ATE1: variants seen among roughly 807,000 people sequenced by gnomAD.
ATE1 encodes arginyl-tRNA--protein transferase 1.
A neutral mutation model predicts 70.5 loss-of-function variants in ATE1; 36 were observed. The observed-to-expected ratio is 0.51, with a 90% CI of 0.39 to 0.67. The LOEUF (loss-of-function observed/expected upper bound fraction) is 0.67. Among genes scored for constraint, ATE1 ranks in the 30% least tolerant of loss-of-function variants. The pLI is 0.00. For missense variants in ATE1, 593 were observed against 629.5 expected (o/e 0.94, Z 0.62); for synonymous variants, 232 against 219.3 (o/e 1.06, Z -0.51).
chr10:121,800,952 AT>A (rs1012314754), intron 10 of ATE1, among the ~76,000 whole-genome samples: 2 of 152,188 alleles, frequency 1.3e-5, no homozygotes, highest in African/African-American at 4.8e-5. Flanking sequence ...TTGCTCCCTG[AT>A]TTCATTACAT....
At chr10:121,900,543 T>C (rs1950940294) in intron 6 of ATE1, among the ~76,000 whole-genome samples, 1 of 152,238 alleles carries the variant, frequency 6.6e-6, no homozygotes. Context: ...CTTGGTCAAG[T>C]AACCTTGTAA....
At chr10:121,796,252 G>A (rs562496216) in intron 10 of ATE1, among the ~76,000 whole-genome samples, 6 of 152,192 alleles carry the variant, frequency 3.9e-5, no homozygotes, top group African/African-American at 1.4e-4. Flanking sequence ...TACCACAGAG[G>A]ATAACATAGT....
At chr10:121,864,945 C>T (rs184613785) in intron 8 of ATE1, among the ~76,000 whole-genome samples, 3 of 152,236 alleles carry the variant, frequency 2.0e-5, no homozygotes, top group Admixed American at 2.0e-4. Context: ...ATCCAGCCCA[C>T]CATGCTGATA....
chr10:121,865,835 G>A (rs1297825796), intron 8 of ATE1, among the ~76,000 whole-genome samples: 1 of 152,164 alleles, frequency 6.6e-6, no homozygotes. Flanking sequence ...TCAAATTACT[G>A]ATGTAATTAC....
chr10:121,862,874 C>G (rs1249813655), intron 8 of ATE1, among the ~76,000 whole-genome samples: 1 of 152,078 alleles, frequency 6.6e-6, no homozygotes, highest in Non-Finnish European at 1.5e-5. Context: ...CATGGCAACA[C>G]CCGGAAGTTA....
intron 11 of ATE1, among the ~76,000 whole-genome samples, chr10:121,770,444 T>A: frequency 6.6e-6 from 1 of 152,204 alleles, no homozygotes; most frequent in East Asian, 1.9e-4. Context: ...TATTTCAGGA[T>A]ACTGCTGATT....
At chr10:121,780,657 C>T (rs1008043189) in intron 11 of ATE1, among the ~76,000 whole-genome samples, 1 of 152,172 alleles carries the variant, frequency 6.6e-6, no homozygotes, top group African/African-American at 2.4e-5. Flanking sequence ...CTGCATCTGG[C>T]CTGCTCTAAA....
intron 11 of ATE1, among the ~76,000 whole-genome samples, chr10:121,744,752 C>G (rs1944280675): frequency 6.6e-6 from 1 of 152,206 alleles, no homozygotes; most frequent in Non-Finnish European, 1.5e-5. Context: ...CGGTTTTCTT[C>G]AGGGTACACA....
intron 11 of ATE1, among the ~76,000 whole-genome samples, chr10:121,771,079 T>C (rs1474580951): frequency 2.0e-5 from 3 of 152,102 alleles, no homozygotes; most frequent in African/African-American, 7.2e-5. Context: ...ACTTTATTTA[T>C]TTATTTTTTT....
intron 6 of ATE1, 22 bp downstream of exon 6, chr10:121,902,369 C>T: frequency 6.3e-7 from 1 of 1,581,810 alleles, no homozygotes; most frequent in Non-Finnish European, 8.6e-7. Context: ...ATAAAACAAA[C>T]AACAAAAGTC....
At chr10:121,894,100 G>A (rs1253194239) in intron 7 of ATE1, among the ~76,000 whole-genome samples, 4 of 141,806 alleles carry the variant, frequency 2.8e-5, no homozygotes, top group Non-Finnish European at 4.5e-5. Flanking sequence ...TTGCGCCATC[G>A]CACTCCAGCC....
At chr10:121,885,567 C>A (rs866989560) in intron 7 of ATE1, among the ~76,000 whole-genome samples, 367 of 96,028 alleles carry the variant, frequency 3.8e-3, no homozygotes, top group Middle Eastern at 0.012. Context: ...GACTCCGTCT[C>A]AAAAAAAAAA....
At chr10:121,820,253 TA>T (rs1282008562) in intron 10 of ATE1, among the ~76,000 whole-genome samples, 2 of 152,342 alleles carry the variant, frequency 1.3e-5, no homozygotes, top group Middle Eastern at 3.4e-3. Flanking sequence ...GAAAATTTCC[TA>T]ATCAATGAAT....
At position 121,760,158 on chromosome 10, in the gene ATE1, G is replaced by A. The variant is rs116540303; in HGVS notation, c.1379-16300C>T. Among the ~76,000 whole-genome samples, 522 of 152,252 alleles carry A rather than the reference G, an allele frequency of 3.4e-3. 4 individuals carry two copies. The highest frequency in any genetic ancestry group is 0.012 in the African/African-American group (505 of 41,540). On this transcript the variant is annotated intron_variant, in intron 11 of 11. Transcript: ENST00000224652. ...ATGTGCCTGGTTACCCAAGAGTTCC[G>A]ATGAAGTTATACAAGATCAGTGTTG...
intron 8 of ATE1, among the ~76,000 whole-genome samples, chr10:121,843,754 A>T (rs1191490598): frequency 6.6e-6 from 1 of 152,062 alleles, no homozygotes; most frequent in Admixed American, 6.6e-5. Context: ...CCAGACACAC[A>T]CCTCACACCT....
At chr10:121,801,943 A>C (rs962448081) in intron 10 of ATE1, among the ~76,000 whole-genome samples, 3 of 152,148 alleles carry the variant, frequency 2.0e-5, no homozygotes, top group Non-Finnish European at 4.4e-5. Context: ...AAAAAAAAAA[A>C]AAACATGGGC....
chr10:121,875,912 A>G (rs1001001036), intron 7 of ATE1, among the ~76,000 whole-genome samples: 1 of 152,178 alleles, frequency 6.6e-6, no homozygotes, highest in Admixed American at 6.5e-5. Flanking sequence ...TTTTAATTTC[A>G]TATAATATCT....
At chr10:121,924,369 CT>C (rs935370724) in intron 1 of ATE1, 40 bp from the exon 2 acceptor site, 1 of 1,573,984 alleles carries the variant, frequency 6.4e-7, no homozygotes. Flanking sequence ...GCAGGGTAAC[CT>C]TTTTTCTTTT....
intron 8 of ATE1, among the ~76,000 whole-genome samples, chr10:121,863,252 CTTT>C (rs1162295975): frequency 1.6e-5 from 2 of 127,354 alleles, no homozygotes; most frequent in African/African-American, 3.1e-5. Context: ...CTGAAGTCTA[CTTT>C]TTTTTTTTTT....
Sources: allele counts gnomAD v4.1 joint callset (sites outside exome capture counted in the v4.1 genomes callset), GRCh38; gene constraint gnomAD v4.1.1; transcripts MANE v1.5; gene names NCBI Gene and HGNC (gene_info 2026-07-23, HGNC 2026-07-21).